ESF1: variants seen among roughly 807,000 people sequenced by gnomAD.
The protein encoded by ESF1 is ESF1 nucleolar pre-rRNA processing protein.
ESF1 carries 58 observed loss-of-function variants against 92.0 expected under a neutral mutation model. That is an observed-to-expected ratio of 0.63 (90% confidence interval 0.51 to 0.78). The LOEUF (loss-of-function observed/expected upper bound fraction) is 0.78. Ranked by LOEUF, ESF1 falls within the 30% of genes least tolerant of loss-of-function variation. The pLI, the probability that ESF1 is intolerant of heterozygous loss-of-function variation, is 0.00. For synonymous variants in ESF1, 321 were observed against 313.7 expected (o/e 1.02, Z -0.24); for missense variants, 922 against 989.1 (o/e 0.93, Z 0.91).
rs1010149648 is a variant in ESF1, at chr20:13,759,912, G to T, written c.1667-59C>A. 4 of 1,512,426 alleles carry T rather than the reference G, an allele frequency of 2.6e-6. No homozygotes were observed. The South Asian group carries it at 5.2e-5, about 20-fold the overall frequency. 93.7% of individuals were successfully genotyped at this position (1,512,426 alleles called of 1,614,324 possible). ...ACAATTCATTTCTAACTCGTGTTCA[G>T]ATCTTATGGTCACTCTCTTTTAAAA... On this transcript the variant is annotated intron_variant, in intron 8 of 13. Transcript: ENST00000617257.
chr20:13,764,428 G>A (rs1190499289), intron 8 of ESF1, among the ~76,000 whole-genome samples: 2 of 152,126 alleles, frequency 1.3e-5, no homozygotes, highest in South Asian at 4.1e-4. Flanking sequence ...GCTATTTTAA[G>A]CAAAGAGCAT....
chr20:13,727,732 G>A (rs1385643435), intron 11 of ESF1, among the ~76,000 whole-genome samples: 1 of 152,076 alleles, frequency 6.6e-6, no homozygotes, highest in Admixed American at 6.6e-5. Flanking sequence ...TGGAAACAAG[G>A]CTCCCTGGAT....
chr20:13,764,966 T>C (rs1289061175), intron 8 of ESF1, among the ~76,000 whole-genome samples: 2 of 150,780 alleles, frequency 1.3e-5, no homozygotes, highest in Non-Finnish European at 2.9e-5. Flanking sequence ...CTCACGCCTA[T>C]AATCCCAGCA....
At chr20:13,753,475 C>A (rs1600282298) in intron 9 of ESF1, among the ~76,000 whole-genome samples, 1 of 150,458 alleles carries the variant, frequency 6.6e-6, no homozygotes, top group East Asian at 1.9e-4. Flanking sequence ...TTGTAGATAT[C>A]TTTTTTGTAA....
chr20:13,731,758 C>T (rs2049944844), intron 10 of ESF1, among the ~76,000 whole-genome samples: 1 of 152,118 alleles, frequency 6.6e-6, no homozygotes, highest in African/African-American at 2.4e-5. Flanking sequence ...CTTCCCTCAC[C>T]TTTCTAATTG....
Position 13,783,115 on chromosome 20 carries a change from C to T in ESF1, c.26G>A (p.Ser9Asn), listed in dbSNP as rs781579391. 3.1e-6 allele frequency: 5 copies of T among 1,599,082 alleles called. No homozygotes were observed. MSSKQEIMSDQRFRRVAKD... is the reference protein window; with the variant it reads MSSKQEIMNDQRFRRVAKD... ...TGCAACCCGTCTAAACCGCTGGTCA[C>T]TCATTATTTCTTGTTTGGATGACAT... is the stretch of plus-strand genomic sequence containing the variant. The change falls in exon 2 of 14, where the codon AGT (serine) becomes AAT (asparagine). Residue 9 changes from serine (S) to asparagine (N), a missense_variant. By Grantham distance (46) the Ser-to-Asn change is conservative. Transcript: ENST00000617257.
At chr20:13,716,836 T>TA (rs1568706175) in intron 13 of ESF1, among the ~76,000 whole-genome samples, 2 of 108,758 alleles carry the variant, frequency 1.8e-5, no homozygotes, top group African/African-American at 6.7e-5. Flanking sequence ...TTTTTTTTTT[T>TA]AGACAGAGTC....
At chr20:13,730,385 CTTTT>C (rs761416984) in intron 10 of ESF1, among the ~76,000 whole-genome samples, 2 of 134,180 alleles carry the variant, frequency 1.5e-5, no homozygotes, top group Non-Finnish European at 3.2e-5. Flanking sequence ...AGAACAAGTG[CTTTT>C]TTTTTTTTTT....
chr20:13,736,362 A>C (rs2049975390), intron 9 of ESF1, among the ~76,000 whole-genome samples: 1 of 152,158 alleles, frequency 6.6e-6, no homozygotes, highest in African/African-American at 2.4e-5. Flanking sequence ...CAATCATTAA[A>C]AATCATTTCT....
chr20:13,719,288 T>C (rs1201867777), intron 11 of ESF1, among the ~76,000 whole-genome samples: 1 of 152,122 alleles, frequency 6.6e-6, no homozygotes, highest in Non-Finnish European at 1.5e-5. Context: ...AGAATAAGCA[T>C]GTCCATAAAC....
At chr20:13,720,198 G>A (rs893532012) in intron 11 of ESF1, among the ~76,000 whole-genome samples, 1 of 152,112 alleles carries the variant, frequency 6.6e-6, no homozygotes, top group Non-Finnish European at 1.5e-5. Flanking sequence ...GTACTGCTGA[G>A]TGAACTGCCG....
chr20:13,731,297 C>G (rs982790046), intron 10 of ESF1, among the ~76,000 whole-genome samples: 1 of 151,840 alleles, frequency 6.6e-6, no homozygotes, highest in Non-Finnish European at 1.5e-5. Flanking sequence ...TTTGGGAGGC[C>G]GAGGCGGGAG....
At chr20:13,741,321 G>A (rs2147740765) in intron 9 of ESF1, among the ~76,000 whole-genome samples, 1 of 149,322 alleles carries the variant, frequency 6.7e-6, no homozygotes, top group East Asian at 2.0e-4. Context: ...TTCAATTGTT[G>A]CTTTTGGTTT....
chr20:13,735,852 G>T (rs2049972176), intron 9 of ESF1, among the ~76,000 whole-genome samples: 2 of 152,090 alleles, frequency 1.3e-5, no homozygotes, highest in Non-Finnish European at 2.9e-5. Context: ...CTATGTTGTT[G>T]TCTCTTAGGT....
chr20:13,761,966 T>C (rs145136093), intron 8 of ESF1, among the ~76,000 whole-genome samples: 85 of 152,326 alleles, frequency 5.6e-4, no homozygotes, highest in African/African-American at 1.7e-3. Context: ...CTATAACCTA[T>C]GGCTAACTGC....
intron 13 of ESF1, 89 bp downstream of exon 13, chr20:13,717,279 T>C: frequency 6.7e-7 from 1 of 1,496,798 alleles, no homozygotes; most frequent in South Asian, 1.3e-5. Context: ...TTTTCAAGGG[T>C]AACTTTGACT....
chr20:13,723,227 C>G (rs1443675435), intron 11 of ESF1, among the ~76,000 whole-genome samples: 1 of 152,130 alleles, frequency 6.6e-6, no homozygotes, highest in Non-Finnish European at 1.5e-5. Context: ...TCAGTACTGA[C>G]CAGATGGGAG....
At chr20:13,760,852 C>A (rs1424789902) in intron 8 of ESF1, among the ~76,000 whole-genome samples, 1 of 151,930 alleles carries the variant, frequency 6.6e-6, no homozygotes, top group Admixed American at 6.6e-5. Context: ...AGCCCCTCTT[C>A]CCCGGCCACC....
At chr20:13,748,439 CACATATATACATATATATACAT>C (rs1978384246) in intron 9 of ESF1, among the ~76,000 whole-genome samples, 6 of 34,356 alleles carry the variant, frequency 1.7e-4, no homozygotes, top group Non-Finnish European at 4.0e-4. Flanking sequence ...CATATATATA[CACATATATACATATATATACAT>C]ATATACACAT....
Sources: gnomAD v4.1 joint callset for allele counts (sites outside exome capture counted in the v4.1 genomes callset) on GRCh38, gnomAD v4.1.1 for gene constraint, MANE v1.5 for transcripts, NCBI Gene and HGNC (gene_info 2026-07-23, HGNC 2026-07-21) for gene names.